The following DLGAP2 variants were observed in gnomAD, a reference collection of about 807,000 sequenced individuals.
DLGAP2 encodes disks large-associated protein 2.
DLGAP2 carries 26 observed loss-of-function variants against 100.3 expected under a neutral mutation model. The ratio of observed to expected loss-of-function variants is 0.26; its 90% CI spans 0.19 to 0.36. The LOEUF (loss-of-function observed/expected upper bound fraction) is 0.36. Among genes scored for constraint, DLGAP2 ranks in the 10% least tolerant of loss-of-function variants. The pLI is 1.00. For synonymous variants in DLGAP2, 886 were observed against 630.1 expected (o/e 1.41, Z -6.08); for missense variants, 1,858 against 1,453.2 (o/e 1.28, Z -4.53).
rs555076847 is a variant in DLGAP2 at position 1,517,366 on chromosome 8, G to T, written c.172+15935G>T. Among the ~76,000 whole-genome samples, 7 of 152,166 alleles carry T rather than the reference G, an allele frequency of 4.6e-5. No individual in the cohort carries two copies. The South Asian group carries it at 1.5e-3, about 32-fold the overall frequency. On this transcript the variant is annotated intron_variant, in intron 4 of 14. Transcript: ENST00000637795. The stretch of plus-strand genomic sequence containing the variant: ...GGAGCCCAGGAGGAGCAGAGAGCAC[G>T]CCATGAGGGAGGGGCCGTGGTGAGG...
chr8:886,984 T>C (rs1157583402), intron 1 of DLGAP2, among the ~76,000 whole-genome samples: 1 of 152,228 alleles, frequency 6.6e-6, no homozygotes, highest in African/African-American at 2.4e-5. Context: ...AGTTTCCCAC[T>C]ATTGTTGTGT....
At chr8:822,388 G>A (rs1796599665) in intron 1 of DLGAP2, among the ~76,000 whole-genome samples, 1 of 152,190 alleles carries the variant, frequency 6.6e-6, no homozygotes, top group African/African-American at 2.4e-5. Context: ...GTGTTCCTGG[G>A]GCAGAAGCAG....
chr8:1,680,540 C>T (rs1314956477), intron 12 of DLGAP2: 1 of 152,238 alleles, frequency 6.6e-6, no homozygotes, highest in African/African-American at 2.4e-5. Context: ...CCCACCTATT[C>T]TTTACAGGAG....
At chr8:968,379 A>T (rs1336372279) in intron 2 of DLGAP2, among the ~76,000 whole-genome samples, 1 of 152,150 alleles carries the variant, frequency 6.6e-6, no homozygotes, top group Non-Finnish European at 1.5e-5. Context: ...CTGTGAGCTG[A>T]AGTGACTTAT....
rs962182727 is a variant in DLGAP2 at position 1,707,411 on chromosome 8, A to G, written c.*6005A>G. 2 of 152,104 alleles carry G rather than the reference A, an allele frequency of 1.3e-5. No homozygotes were observed. The highest frequency in any genetic ancestry group is 4.8e-5 in the African/African-American group (2 of 41,384). The allele number at this position is 152,104 out of a possible 1,614,324, so 9.4% of individuals were successfully genotyped here. ...AAGCCACTCACGCATTCTCTGATTT[A>G]CCCCCAAAACACTACCATGCCCCAG... On this transcript the variant is annotated 3_prime_UTR_variant, in exon 15 of 15. Coordinates refer to ENST00000637795, the MANE Select transcript of DLGAP2 (RefSeq NM_001346810.2).
At chr8:881,670 C>T (rs1435589698) in intron 1 of DLGAP2, among the ~76,000 whole-genome samples, 589 of 50,628 alleles carry the variant, frequency 0.012, 15 homozygotes, top group African/African-American at 0.034. Flanking sequence ...TGGCTGAACA[C>T]ACACACACAC....
intron 3 of DLGAP2, among the ~76,000 whole-genome samples, chr8:1,319,557 C>G (rs764682849): frequency 2.0e-5 from 3 of 152,206 alleles, no homozygotes; most frequent in African/African-American, 7.2e-5. Context: ...GTCACAATCA[C>G]TGATTTCAAG....
At chr8:1,149,962 C>T (rs1043565729) in intron 2 of DLGAP2, among the ~76,000 whole-genome samples, 1 of 152,190 alleles carries the variant, frequency 6.6e-6, no homozygotes, top group African/African-American at 2.4e-5. Flanking sequence ...CTGTGTTTAG[C>T]CACAGATACG....
chr8:1,472,608 G>A (rs1427173613), intron 3 of DLGAP2, among the ~76,000 whole-genome samples: 2 of 152,170 alleles, frequency 1.3e-5, no homozygotes, highest in Non-Finnish European at 2.9e-5. Context: ...AATACATGAT[G>A]TAAACAATCC....
intron 10 of DLGAP2, among the ~76,000 whole-genome samples, chr8:1,671,217 C>G (rs1468427504): frequency 6.6e-6 from 1 of 152,188 alleles, no homozygotes; most frequent in Non-Finnish European, 1.5e-5. Flanking sequence ...GGAGAAAATC[C>G]CAGAATGATT....
chr8:1,493,610 G>C (rs190387084), intron 3 of DLGAP2, among the ~76,000 whole-genome samples: 3 of 152,322 alleles, frequency 2.0e-5, no homozygotes, highest in South Asian at 4.2e-4. Context: ...AATGGTGAAG[G>C]CTTCACATTC....
chr8:1,318,938 C>G (rs11782963), intron 3 of DLGAP2, among the ~76,000 whole-genome samples: 29,386 of 151,932 alleles, frequency 0.19, 3,103 homozygotes, highest in African/African-American at 0.24. Flanking sequence ...AAACGCTCAG[C>G]ATGGTTTTTC....
intron 1 of DLGAP2, among the ~76,000 whole-genome samples, chr8:827,598 G>A (rs1314551519): frequency 6.6e-6 from 1 of 152,146 alleles, no homozygotes; most frequent in Non-Finnish European, 1.5e-5. Flanking sequence ...ACAAGCATAA[G>A]AACGACTGCA....
intron 4 of DLGAP2, among the ~76,000 whole-genome samples, chr8:1,509,569 G>T (rs992491530): frequency 1.3e-5 from 2 of 152,146 alleles, no homozygotes; most frequent in East Asian, 3.9e-4. Flanking sequence ...GTGCTGTCTC[G>T]GTGTTTGAAA....
intron 3 of DLGAP2, among the ~76,000 whole-genome samples, chr8:1,439,262 G>C (rs1797753501): frequency 1.3e-5 from 2 of 152,220 alleles, no homozygotes; most frequent in African/African-American, 4.8e-5. Context: ...GTGGCAGCCG[G>C]GTTCTGATGG....
intron 2 of DLGAP2, among the ~76,000 whole-genome samples, chr8:952,402 G>A (rs1799503041): frequency 6.6e-6 from 1 of 152,100 alleles, no homozygotes; most frequent in South Asian, 2.1e-4. Context: ...ATAATCCTTT[G>A]GGAGGCCAAG....
chr8:1,420,804 T>C (rs1797068756), intron 3 of DLGAP2, among the ~76,000 whole-genome samples: 1 of 152,164 alleles, frequency 6.6e-6, no homozygotes, highest in Admixed American at 6.5e-5. Flanking sequence ...TAAAATCCCA[T>C]AATCATCCAG....
chr8:1,654,092 T>C (rs1166533674), intron 8 of DLGAP2, among the ~76,000 whole-genome samples: 1 of 152,174 alleles, frequency 6.6e-6, no homozygotes, highest in African/African-American at 2.4e-5. Flanking sequence ...ACCTACAGAA[T>C]TAGCCCTCCC....
At chr8:1,159,290 T>C (rs1427011841) in intron 2 of DLGAP2, among the ~76,000 whole-genome samples, 1 of 152,246 alleles carries the variant, frequency 6.6e-6, no homozygotes, top group African/African-American at 2.4e-5. Flanking sequence ...TCCTGTTGTT[T>C]AATCCTTTAA....
Sources: gnomAD v4.1 joint callset for allele counts (sites outside exome capture counted in the v4.1 genomes callset) on GRCh38, gnomAD v4.1.1 for gene constraint, MANE v1.5 for transcripts, NCBI Gene and HGNC (gene_info 2026-07-23, HGNC 2026-07-21) for gene names.